JRK: variants seen among roughly 807,000 people sequenced by gnomAD.
JRK encodes jerky protein homolog.
For synonymous variants in JRK, 303 were observed against 218.1 expected, an observed-to-expected ratio of 1.39 and a Z score of -3.43; for missense variants, 720 against 509.2, an observed-to-expected ratio of 1.41 and a Z score of -3.98.
At chr8:142,646,489 C>CA in the JRK span, among the ~76,000 whole-genome samples, 3 of 152,158 alleles carry the variant, frequency 2.0e-5, no homozygotes, top group Non-Finnish European at 2.9e-5. Flanking sequence ...AGCAAAAAAT[C>CA]ATTGTTTTGG....
Position 142,665,766 on chromosome 8 carries a change from A to T in JRK, c.293T>A (p.Leu98Gln), listed in dbSNP as rs782471543. The T allele has an allele frequency of 1.2e-5, 9 of 776,818 alleles. No individual in the cohort carries two copies. The allele number at this position is 776,818 out of a possible 1,614,324, so 48.1% of individuals were successfully genotyped here. A position where few individuals can be genotyped will look rare whatever the true frequency, so the allele number is the denominator to read the frequency against. The change falls in exon 2 of 2, where the codon CTG becomes CAG. Residue 98 changes from leucine (L) to glutamine (Q), a missense_variant. Physicochemically the swap from Leu to Gln is moderately radical, Grantham distance 113 (BLOSUM62 -2). Coordinates refer to ENST00000612905, the MANE Select transcript of JRK (RefSeq NM_003724.4). ...HLDRVLYEWF[L>Q]GKRSEGVPVS... ...GGGGACGCCCTCGGAGCGCTTCCCCAGGAACCACTCGTACAGGACGCGGTC... is the reference window on the plus strand; with the variant it reads ...GGGGACGCCCTCGGAGCGCTTCCCCTGGAACCACTCGTACAGGACGCGGTC...
At chr8:142,652,389 C>T in the JRK span, among the ~76,000 whole-genome samples, 1 of 152,302 alleles carries the variant, frequency 6.6e-6, no homozygotes, top group African/African-American at 2.4e-5. Context: ...TATGAGACAT[C>T]AATCAACATA....
At position 142,664,109 on chromosome 8, in the gene JRK, C is replaced by T; in HGVS notation, c.*243G>A. On this transcript the variant is annotated 3_prime_UTR_variant, in exon 2 of 2. Transcript: ENST00000612905. ...TTGTTCTAGGCTAGGGTGGACCCTT[C>T]CAAAACATTTCCTCACTTTCGGATG... 5 of 1,320,010 alleles carry T rather than the reference C, an allele frequency of 3.8e-6. No individual in the cohort carries two copies. Among genetic ancestry groups the T allele is most frequent in the African/African-American group, 1.5e-5 (1 of 67,480 alleles). The allele number at this position is 1,320,010 out of a possible 1,614,324, so 81.8% of individuals were successfully genotyped here.
At position 142,666,522 on chromosome 8, in the gene JRK, T is replaced by G; in HGVS notation, c.-462-2A>C. On this transcript the variant is annotated splice_acceptor_variant, in intron 1 of 1. Transcript: ENST00000612905. LOFTEE classifies it low-confidence loss of function (5UTR_SPLICE). ...TCTCCAGGCACAGCACTTCAGGGGCTGGAAAGCAGAGGGAACAGAGAGGAA... is the reference window on the plus strand; with the variant it reads ...TCTCCAGGCACAGCACTTCAGGGGCGGGAAAGCAGAGGGAACAGAGAGGAA... The G allele has an allele frequency of 3.7e-6, 1 of 266,722 alleles. No homozygotes were observed. Among genetic ancestry groups the G allele is most frequent in the Non-Finnish European group, 7.8e-6 (1 of 128,942 alleles). 16.5% of individuals were successfully genotyped at this position (266,722 alleles called of 1,614,324 possible).
chr8:142,652,433 G>C, the JRK span, among the ~76,000 whole-genome samples: 1 of 152,296 alleles, frequency 6.6e-6, no homozygotes, highest in South Asian at 2.1e-4. Context: ...CTGGAAAGGC[G>C]GGACAACTCA....
Position 142,663,901 on chromosome 8 carries a change from AG to A in JRK, c.*450del. 1 of 993,084 alleles carries A rather than the reference AG, an allele frequency of 1.0e-6. No individual in the cohort carries two copies. Among genetic ancestry groups the A allele is most frequent in the Non-Finnish European group, 1.2e-6 (1 of 835,524 alleles). 61.5% of individuals were successfully genotyped at this position (993,084 alleles called of 1,614,324 possible). On this transcript the variant is annotated 3_prime_UTR_variant, in exon 2 of 2. Transcript: ENST00000612905. ...GGATGGCCGCCAGCCCAGCAGATAG[AG>A]CCTTCTGAGACGAAGCCTGTCCAGG...
chr8:142,664,578 A>G lies in JRK; in HGVS notation c.1481T>C (p.Phe494Ser). The change falls in exon 2 of 2, where the codon TTT (phenylalanine) becomes TCT (serine). Residue 494 changes from phenylalanine to serine, a missense_variant. Phe to Ser is a radical substitution (Grantham distance 155). Coordinates refer to ENST00000612905, the MANE Select transcript of JRK (RefSeq NM_003724.4). ...EVAWEQAAVA[F>S]DAVLRFAERQ... Reference sequence around the variant, plus strand: ...CTCCGCAAAGCGCAGGACTGCGTCAAAGGCCACGGCCGCCTGCTCCCAGGC... The same window carrying G: ...CTCCGCAAAGCGCAGGACTGCGTCAGAGGCCACGGCCGCCTGCTCCCAGGC... 2 of 1,609,000 alleles carry G rather than the reference A, an allele frequency of 1.2e-6. No individual in the cohort carries two copies. Among genetic ancestry groups the G allele is most frequent in the Non-Finnish European group, 1.7e-6 (2 of 1,178,716 alleles).
rs1179442495 is a variant in JRK at position 142,665,098 on chromosome 8, G to A, written c.961C>T (p.Pro321Ser). Residue 321 changes from proline to serine, a missense_variant, in exon 2 of 2, where the codon CCT becomes TCT. Transcript: ENST00000612905. ...TGCACCAATGAGGCCACGCTGGCAG[G>A]CAGGAAGATGGTGAAAACGTTACTG... ...VSSNVFTIFL[P>S]ASVASLVQPM... is the part of the protein sequence containing the mutation. 1.4e-5 allele frequency: 10 copies of A among 717,812 alleles called. No homozygotes were observed. In the Admixed American group the frequency reaches 2.0e-4, roughly 14 times the overall value. The allele number at this position is 717,812 out of a possible 1,614,324, so 44.5% of individuals were successfully genotyped here.
Position 142,662,624 on chromosome 8 carries a change from AAC to A in JRK, c.*1726_*1727del, listed in dbSNP as rs1383735144. On this transcript the variant is annotated 3_prime_UTR_variant, in exon 2 of 2. Transcript: ENST00000612905. ...CTTCACACATGCATTCAAAGCAAGA[AAC>A]ACACACTTCCAGGACATAGATAGGG... The A allele has an allele frequency of 2.0e-6, 2 of 985,320 alleles. No individual in the cohort carries two copies. Among genetic ancestry groups the A allele is most frequent in the African/African-American group, 1.7e-5 (1 of 57,232 alleles). The allele number at this position is 985,320 out of a possible 1,614,324, so 61.0% of individuals were successfully genotyped here.
the JRK span, among the ~76,000 whole-genome samples, chr8:142,645,690 A>AAT: frequency 6.8e-6 from 1 of 148,066 alleles, no homozygotes; most frequent in African/African-American, 2.4e-5. Context: ...AGAAAAAAAA[A>AAT]ATATATATAT....
At position 142,657,642 on chromosome 8, in the gene JRK, T is replaced by C. The variant is rs1222526805; in HGVS notation, c.*6710A>G. ...AGGGAGGGAGGTGCCACCAGGCTCT[T>C]TTTAACAAACAGTTCTCACAGAAAC... On this transcript the variant is annotated 3_prime_UTR_variant, in exon 2 of 2. Coordinates refer to ENST00000612905, the MANE Select transcript of JRK (RefSeq NM_003724.4). 2 of 152,184 alleles carry C rather than the reference T, an allele frequency of 1.3e-5. No homozygotes were observed. The highest frequency in any genetic ancestry group is 4.8e-5 in the African/African-American group (2 of 41,416). 9.4% of individuals were successfully genotyped at this position (152,184 alleles called of 1,614,324 possible). A position where few individuals can be genotyped will look rare whatever the true frequency, so the allele number is the denominator to read the frequency against.
In JRK at chr8:142,664,379, G is replaced by A. The variant is rs782777945; in HGVS notation, c.1680C>T (p.Pro560=). 1.3e-6 allele frequency: 2 copies of A among 1,582,876 alleles called. No individual in the cohort carries two copies. The highest frequency in any genetic ancestry group is 1.7e-5 in the Admixed American group (1 of 58,268). The stretch of plus-strand genomic sequence containing the variant: ...AGTTGTCACCTGCTGTGGATGAGCA[G>A]GGCAAGGGAGACTGAGCTGTGGCCC... ...GCGATAQSPL[P]CSSTAGDN The change falls in exon 2 of 2, where the codon CCC becomes CCT. Residue 560 remains proline (P), a synonymous_variant. Transcript: ENST00000612905.
rs143147817 is a variant in JRK at position 142,662,164 on chromosome 8, T to C, written c.*2188A>G. The C allele has an allele frequency of 7.1e-6, 7 of 985,812 alleles. No homozygotes were observed. The highest frequency in any genetic ancestry group is 6.1e-5 in the Admixed American group (1 of 16,278). 61.1% of individuals were successfully genotyped at this position (985,812 alleles called of 1,614,324 possible). ...CAGCCACTCACTGGGGACAAGCGCC[T>C]ACCCATCAGCCCAGCACAGTCAGCA... On this transcript the variant is annotated 3_prime_UTR_variant, in exon 2 of 2. Coordinates refer to ENST00000612905, the MANE Select transcript of JRK (RefSeq NM_003724.4).
the JRK span, among the ~76,000 whole-genome samples, chr8:142,648,046 G>A: frequency 6.6e-6 from 1 of 152,238 alleles, no homozygotes; most frequent in Non-Finnish European, 1.5e-5. Flanking sequence ...CCCTGGAGAT[G>A]TGACGAATTC....
chr8:142,651,208 A>AACATAT, the JRK span, among the ~76,000 whole-genome samples: 1 of 152,218 alleles, frequency 6.6e-6, no homozygotes, highest in Non-Finnish European at 1.5e-5. Context: ...TTTAAAAACA[A>AACATAT]ACACATACAC....
At chr8:142,648,005 T>C in the JRK span, among the ~76,000 whole-genome samples, 2 of 152,226 alleles carry the variant, frequency 1.3e-5, no homozygotes, top group African/African-American at 4.8e-5. Flanking sequence ...TGTTATATTT[T>C]AGCAAAGAGA....
chr8:142,661,559 G>A lies in JRK; in HGVS notation c.*2793C>T. On this transcript the variant is annotated 3_prime_UTR_variant, in exon 2 of 2. Coordinates refer to ENST00000612905, the MANE Select transcript of JRK (RefSeq NM_003724.4). Reference sequence around the variant, plus strand: ...CCCCACGAGCCACTGGAAAACTGAGGCTGCAACTTGCAGGGGCACTGTGAG... The same window carrying A: ...CCCCACGAGCCACTGGAAAACTGAGACTGCAACTTGCAGGGGCACTGTGAG... 1 of 985,544 alleles carries A rather than the reference G, an allele frequency of 1.0e-6. No individual in the cohort carries two copies. Among genetic ancestry groups the A allele is most frequent in the East Asian group, 1.1e-4 (1 of 8,802 alleles). 61.0% of individuals were successfully genotyped at this position (985,544 alleles called of 1,614,324 possible).
chr8:142,659,591 A>G lies in JRK; in HGVS notation c.*4761T>C. The G allele has an allele frequency of 3.0e-6, 3 of 985,592 alleles. No individual in the cohort carries two copies. Among genetic ancestry groups the G allele is most frequent in the Non-Finnish European group, 3.6e-6 (3 of 830,028 alleles). The allele number at this position is 985,592 out of a possible 1,614,324, so 61.1% of individuals were successfully genotyped here. A position where few individuals can be genotyped will look rare whatever the true frequency, so the allele number is the denominator to read the frequency against. ...AGGCCATCGTGCTGCCTAAGAGACC[A>G]GGACCCAGCAGGGGCCATACCCAGA... On this transcript the variant is annotated 3_prime_UTR_variant, in exon 2 of 2. Coordinates refer to ENST00000612905, the MANE Select transcript of JRK (RefSeq NM_003724.4).
In JRK at chr8:142,664,007, C is replaced by T; in HGVS notation, c.*345G>A. ...AGACTGACATCTCCACCCTCTGATA[C>T]TGCAATGATCAGCCAGCGAACACGA... On this transcript the variant is annotated 3_prime_UTR_variant, in exon 2 of 2. Transcript: ENST00000612905. The T allele has an allele frequency of 9.2e-7, 1 of 1,092,830 alleles. No individual in the cohort carries two copies. The highest frequency in any genetic ancestry group is 1.1e-6 in the Non-Finnish European group (1 of 898,622). The allele number at this position is 1,092,830 out of a possible 1,614,324, so 67.7% of individuals were successfully genotyped here. A position where few individuals can be genotyped will look rare whatever the true frequency, so the allele number is the denominator to read the frequency against.
Sources: allele counts gnomAD v4.1 joint callset (sites outside exome capture counted in the v4.1 genomes callset), GRCh38; gene constraint gnomAD v4.1.1; transcripts MANE v1.5; gene names NCBI Gene and HGNC (gene_info 2026-07-23, HGNC 2026-07-21).